The following NRAP variants were observed in gnomAD, a reference collection of about 807,000 sequenced individuals.
The protein encoded by NRAP is nebulin-related-anchoring protein.
In NRAP, 189 loss-of-function variants were observed where a neutral mutation model predicts 225.9. The ratio of observed to expected loss-of-function variants is 0.84; its 90% CI spans 0.74 to 0.94. The LOEUF is 0.94. NRAP is among the 40% of genes least tolerant of loss of function. The pLI, the probability that NRAP is intolerant of heterozygous loss-of-function variation, is 0.00. For synonymous variants in NRAP, 769 were observed against 790.7 expected (o/e 0.97, Z 0.46); for missense variants, 2,176 against 2,168.7 (o/e 1.00, Z -0.07).
At chr10:113,592,058 A>G in intron 39 of NRAP, 136 bp downstream of exon 39, 1 of 463,210 alleles carries the variant, frequency 2.2e-6, no homozygotes. Flanking sequence ...CTTTCATTTA[A>G]AATACAGTAC....
chr10:113,596,014 G>A (rs1846271297), intron 37 of NRAP, among the ~76,000 whole-genome samples: 1 of 152,180 alleles, frequency 6.6e-6, no homozygotes, highest in African/African-American at 2.4e-5. Context: ...CCATACCTGG[G>A]TGTTTTACAC....
In NRAP at chr10:113,651,886, C is replaced by T. The variant is rs768751855; in HGVS notation, c.592G>A (p.Asp198Asn). ...ASQVEYKRGH[D>N]ERISRFSTVV... ...GTGGAGAACCTGGAGATGCGTTCAT[C>T]ATGCCCTCTCTTATACTCCACCTGA... Residue 198 changes from aspartate to asparagine, a missense_variant, in exon 7 of 42, where the codon GAT becomes AAT. This residue lies in a region of NRAP where 1,708 missense variants were observed against 1,695.5 expected (regional missense o/e 1.01). Coordinates refer to ENST00000359988, the MANE Select transcript of NRAP (RefSeq NM_198060.4). 8.7e-6 allele frequency: 14 copies of T among 1,612,524 alleles called. No individual in the cohort carries two copies. In the South Asian group the frequency reaches 1.4e-4, roughly 16 times the overall value.
intron 17 of NRAP, 99 bp from the exon 18 acceptor site, chr10:113,631,709 A>C (rs189822306): frequency 1.4e-4 from 126 of 915,778 alleles, no homozygotes; most frequent in Middle Eastern, 8.7e-4. Flanking sequence ...TTCTGAAAAA[A>C]CACCTCCCAG....
intron 4 of NRAP, 127 bp downstream of exon 4, chr10:113,657,343 C>A (rs953071853): frequency 1.6e-6 from 1 of 629,978 alleles, no homozygotes; most frequent in South Asian, 1.9e-5. Context: ...CCATAGACAG[C>A]TGGAATTACA....
rs531690452 is a variant in NRAP, at chr10:113,641,364, C to G, written c.1323+1G>C. ...ACAGACCCTGGCATAAAAGGACTCA[C>G]GTTGCTTGCCAGGCTGCCAACTTTC... On this transcript the variant is annotated splice_donor_variant, in intron 13 of 41. Coordinates refer to ENST00000359988, the MANE Select transcript of NRAP (RefSeq NM_198060.4). LOFTEE classifies it high-confidence loss of function. 6 of 1,604,402 alleles carry G rather than the reference C, an allele frequency of 3.7e-6. No homozygotes were observed. The South Asian group carries it at 4.4e-5, about 12-fold the overall frequency.
At chr10:113,591,395 T>TA (rs1376890491) in intron 39 of NRAP, among the ~76,000 whole-genome samples, 1 of 152,256 alleles carries the variant, frequency 6.6e-6, no homozygotes, top group African/African-American at 2.4e-5. Context: ...TGTATGGTCC[T>TA]ATTGCATGTG....
intron 35 of NRAP, among the ~76,000 whole-genome samples, chr10:113,601,144 G>A (rs1444150508): frequency 6.6e-6 from 1 of 152,186 alleles, no homozygotes; most frequent in Non-Finnish European, 1.5e-5. Flanking sequence ...CCTGGACCAG[G>A]CATGCATCTC....
intron 12 of NRAP, 123 bp from the exon 13 acceptor site, chr10:113,641,595 CAA>C (rs1849206165): frequency 1.6e-6 from 1 of 609,812 alleles, no homozygotes; most frequent in Admixed American, 3.1e-5. Context: ...TTTAAATAGT[CAA>C]CGTATCACAG....
rs932238926 is a variant in NRAP, at chr10:113,604,550, G to A, written c.4227+59C>T. ...AAGGAAGAAGCAGAGATTGACACCC[G>A]GGTTTGGTGAAAGGAGAAAGGCTGG... On this transcript the variant is annotated intron_variant, in intron 35 of 41. Coordinates refer to ENST00000359988, the MANE Select transcript of NRAP (RefSeq NM_198060.4). 116 of 1,485,850 alleles carry A rather than the reference G, an allele frequency of 7.8e-5. 1 individual carries two copies. The highest frequency in any genetic ancestry group is 5.2e-4 in the Middle Eastern group (3 of 5,742). The allele number at this position is 1,485,850 out of a possible 1,614,324, so 92.0% of individuals were successfully genotyped here. A position where few individuals can be genotyped will look rare whatever the true frequency, so the allele number is the denominator to read the frequency against.
intron 36 of NRAP, 26 bp from the exon 37 acceptor site, chr10:113,597,210 A>T (rs760921845): frequency 5.6e-6 from 8 of 1,430,894 alleles, no homozygotes; most frequent in African/African-American, 1.4e-5. Flanking sequence ...AAAGATTCTC[A>T]TGAAACACAG....
At position 113,641,608 on chromosome 10, in the gene NRAP, A is replaced by G. The variant is rs550504762; in HGVS notation, c.1216-136T>C. 9.4e-4 allele frequency: 536 copies of G among 569,498 alleles called. 15 individuals carry two copies. The South Asian group carries it at 0.013, about 14-fold the overall frequency. The allele number at this position is 569,498 out of a possible 1,614,324, so 35.3% of individuals were successfully genotyped here. A position where few individuals can be genotyped will look rare whatever the true frequency, so the allele number is the denominator to read the frequency against. Reference sequence around the variant, plus strand: ...CATTTAAATAGTCAACGTATCACAGAATAAAAAATAAGGCAAACTTTTTTT... The same window carrying G: ...CATTTAAATAGTCAACGTATCACAGGATAAAAAATAAGGCAAACTTTTTTT... On this transcript the variant is annotated intron_variant, in intron 12 of 41. Coordinates refer to ENST00000359988, the MANE Select transcript of NRAP (RefSeq NM_198060.4).
At chr10:113,621,831 CAT>C (rs1428273712) in intron 24 of NRAP, 36 bp downstream of exon 24, 25 of 1,559,244 alleles carry the variant, frequency 1.6e-5, no homozygotes, top group Non-Finnish European at 1.9e-5. Context: ...ACAACACACA[CAT>C]ACACACACAA....
chr10:113,640,848 G>A (rs2134093485), intron 13 of NRAP, among the ~76,000 whole-genome samples: 2 of 152,304 alleles, frequency 1.3e-5, no homozygotes, highest in Non-Finnish European at 2.9e-5. Flanking sequence ...GCTAAAGAGA[G>A]ATTAATAGAG....
At chr10:113,608,630 C>A in intron 31 of NRAP, 118 bp from the exon 32 acceptor site, 1 of 683,858 alleles carries the variant, frequency 1.5e-6, no homozygotes, top group Non-Finnish European at 2.6e-6. Flanking sequence ...GCAAGTCTAT[C>A]ACTCCAGAAT....
rs530678615 is a variant in NRAP at position 113,597,966 on chromosome 10, T to C, written c.4332+3A>G. The stretch of plus-strand genomic sequence containing the variant: ...ACTTGTGGTGGGGACAGGTTGATGG[T>C]ACCTCGCTGATGAGTTCTCCAGCCT... On this transcript the variant is annotated splice_donor_region_variant and intron_variant, in intron 36 of 41. Coordinates refer to ENST00000359988, the MANE Select transcript of NRAP (RefSeq NM_198060.4). The C allele has an allele frequency of 5.0e-6, 8 of 1,598,126 alleles. No homozygotes were observed. In the Admixed American group the frequency reaches 8.3e-5, roughly 17 times the overall value.
At chr10:113,643,094 A>G (rs1433657004) in intron 11 of NRAP, 56 bp from the exon 12 acceptor site, 1 of 877,262 alleles carries the variant, frequency 1.1e-6, no homozygotes, top group Non-Finnish European at 1.9e-6. Flanking sequence ...TCACTCTTGA[A>G]AATGTCCCAG....
intron 11 of NRAP, among the ~76,000 whole-genome samples, chr10:113,644,367 A>C (rs1246609817): frequency 6.6e-6 from 1 of 152,146 alleles, no homozygotes; most frequent in Non-Finnish European, 1.5e-5. Flanking sequence ...AAGGCCAGCA[A>C]ACTTTTTCTA....
chr10:113,637,432 G>C (rs1390333174), intron 14 of NRAP, among the ~76,000 whole-genome samples: 1 of 152,224 alleles, frequency 6.6e-6, no homozygotes, highest in East Asian at 1.9e-4. Flanking sequence ...GCCAAAGCTA[G>C]TGTGCTTAGA....
At chr10:113,617,646 G>A in intron 25 of NRAP, 93 bp from the exon 26 acceptor site, 1 of 777,698 alleles carries the variant, frequency 1.3e-6, no homozygotes, top group East Asian at 2.5e-5. Context: ...AGATTAGAGT[G>A]AATTTGTGAA....
Sources: gnomAD v4.1 joint callset for allele counts (sites outside exome capture counted in the v4.1 genomes callset) on GRCh38, gnomAD v4.1.1 for gene constraint, gnomAD v4.1.1 regional missense constraint, MANE v1.5 for transcripts, NCBI Gene and HGNC (gene_info 2026-07-23, HGNC 2026-07-21) for gene names.